CNTNAP3B: variants seen among roughly 807,000 people sequenced by gnomAD.
CNTNAP3B encodes contactin-associated protein-like 3B.
A neutral mutation model predicts 108.9 loss-of-function variants in CNTNAP3B; 25 were observed. The observed-to-expected ratio is 0.23, with a 90% CI of 0.17 to 0.32. The LOEUF is 0.32. Among genes scored for constraint, CNTNAP3B ranks in the 10% least tolerant of loss-of-function variants. The pLI is 1.00. For missense variants in CNTNAP3B, 252 were observed against 1,210.4 expected, an observed-to-expected ratio of 0.21 and a Z score of 11.75; for synonymous variants, 103 against 473.4, an observed-to-expected ratio of 0.22 and a Z score of 10.16.
chr9:41,915,619 C>T lies in CNTNAP3B; in HGVS notation c.2995+4451G>A, dbSNP rs1173234553. On this transcript the variant is annotated intron_variant, in intron 18 of 23. Transcript: ENST00000377561. ...TTAGTTGCAGGTTTTTCATATATGGCGTTTATCATATTGAGAAAGTTCCCT... is the reference window on the plus strand; with the variant it reads ...TTAGTTGCAGGTTTTTCATATATGGTGTTTATCATATTGAGAAAGTTCCCT... Among the ~76,000 whole-genome samples the T allele has an allele frequency of 2.2e-5, 3 of 139,252 alleles. 1 individual carries two copies. Among genetic ancestry groups the T allele is most frequent in the African/African-American group, 8.5e-5 (3 of 35,390 alleles). The allele number at this position is 139,252 out of a possible 152,430, so 91.4% of individuals were successfully genotyped here.
chr9:41,952,119 G>C (rs185754066), intron 13 of CNTNAP3B, among the ~76,000 whole-genome samples: 366 of 152,350 alleles, frequency 2.4e-3, no homozygotes, highest in Middle Eastern at 0.014. Context: ...TGATTGGCCA[G>C]ACGGACTAGG....
chr9:41,961,576 C>G (rs1261418942), intron 11 of CNTNAP3B, among the ~76,000 whole-genome samples: 1 of 152,294 alleles, frequency 6.6e-6, no homozygotes, highest in Non-Finnish European at 1.5e-5. Flanking sequence ...TTTTCTTAAG[C>G]TATGCGGCAG....
intron 17 of CNTNAP3B, among the ~76,000 whole-genome samples, chr9:41,921,323 A>G (rs1823661929): frequency 2.6e-5 from 4 of 152,352 alleles, no homozygotes; most frequent in Admixed American, 2.0e-4. Flanking sequence ...TGATGGTTTC[A>G]TGTCCTTTGA....
In CNTNAP3B at chr9:42,062,604, A is replaced by T. The variant is rs1217802141; in HGVS notation, c.390+14265T>A. Among the ~76,000 whole-genome samples the T allele has an allele frequency of 3.4e-5, 4 of 118,198 alleles. 1 individual carries two copies. The highest frequency in any genetic ancestry group is 1.4e-4 in the African/African-American group (4 of 28,594). The allele number at this position is 118,198 out of a possible 152,430, so 77.5% of individuals were successfully genotyped here. On this transcript the variant is annotated intron_variant, in intron 3 of 23. Coordinates refer to ENST00000377561, the MANE Select transcript of CNTNAP3B (RefSeq NM_001201380.3). ...TGATTGAATAGTTTAATTTATTTAC[A>T]TTTAAGGTAATTGTTGCCAGGTAAG... is the stretch of plus-strand genomic sequence containing the variant.
chr9:41,960,331 A>G (rs947890704), intron 12 of CNTNAP3B: 1 of 175,622 alleles, frequency 5.7e-6, no homozygotes, highest in African/African-American at 2.4e-5. Flanking sequence ...CTAAAGCATG[A>G]GAAATAATCA....
chr9:41,939,744 C>T (rs1308242937), intron 13 of CNTNAP3B, among the ~76,000 whole-genome samples: 2 of 152,254 alleles, frequency 1.3e-5, no homozygotes, highest in African/African-American at 2.4e-5. Flanking sequence ...TCTAAATCTC[C>T]CATATTCCCC....
rs574157589 is a variant in CNTNAP3B at position 41,950,780 on chromosome 9, G to T, written c.2080+2403C>A. Reference sequence around the variant, plus strand: ...TTTTTTTTTTTTTTTTTTTGAGACGGAACGGAGTCTTGCTCTGTCGCCCAG... The same window carrying T: ...TTTTTTTTTTTTTTTTTTTGAGACGTAACGGAGTCTTGCTCTGTCGCCCAG... On this transcript the variant is annotated intron_variant, in intron 13 of 23. Coordinates refer to ENST00000377561, the MANE Select transcript of CNTNAP3B (RefSeq NM_001201380.3). Among the ~76,000 whole-genome samples, 19 of 109,046 alleles carry T rather than the reference G, an allele frequency of 1.7e-4. No homozygotes were observed. In the East Asian group the frequency reaches 4.5e-3, roughly 26 times the overall value. The allele number at this position is 109,046 out of a possible 152,430, so 71.5% of individuals were successfully genotyped here. A position where few individuals can be genotyped will look rare whatever the true frequency, so the allele number is the denominator to read the frequency against.
chr9:41,978,925 T>C (rs566018145), intron 9 of CNTNAP3B, among the ~76,000 whole-genome samples: 10 of 147,008 alleles, frequency 6.8e-5, no homozygotes, highest in South Asian at 2.1e-4. Context: ...CTTAAATATA[T>C]AGAATTTTTA....
intron 14 of CNTNAP3B, among the ~76,000 whole-genome samples, chr9:41,933,654 C>T (rs1824048961): frequency 6.6e-6 from 1 of 152,252 alleles, no homozygotes; most frequent in Non-Finnish European, 1.5e-5. Context: ...CTCATTTTTC[C>T]TGATATTTCT....
intron 10 of CNTNAP3B, among the ~76,000 whole-genome samples, chr9:41,967,391 TG>T (rs199520105): frequency 0.053 from 7,444 of 140,976 alleles, 25 homozygotes; most frequent in Middle Eastern, 0.083. Flanking sequence ...AGACGTGTCT[TG>T]TTTCTCCTTC....
intron 13 of CNTNAP3B, among the ~76,000 whole-genome samples, chr9:41,944,519 C>G (rs1184354457): frequency 1.3e-5 from 2 of 152,280 alleles, no homozygotes; most frequent in East Asian, 3.8e-4. Flanking sequence ...AAGGCTACCA[C>G]TAAAACAATT....
At chr9:41,962,986 A>C in intron 11 of CNTNAP3B, among the ~76,000 whole-genome samples, 1 of 151,678 alleles carries the variant, frequency 6.6e-6, no homozygotes, top group Non-Finnish European at 1.5e-5. Context: ...CAAAAAAAAG[A>C]AAATGTGTCA....
At chr9:42,042,194 C>A (rs1826775824) in intron 3 of CNTNAP3B, among the ~76,000 whole-genome samples, 1 of 118,684 alleles carries the variant, frequency 8.4e-6, no homozygotes, top group South Asian at 2.7e-4. Flanking sequence ...AACAAACCTG[C>A]TACGTTGTAC....
intron 13 of CNTNAP3B, among the ~76,000 whole-genome samples, chr9:41,946,078 A>T (rs1439903694): frequency 0.024 from 3,434 of 145,746 alleles, 3 homozygotes; most frequent in East Asian, 0.1. Context: ...CAGAAGAGTC[A>T]AAATATATTA....
At chr9:41,964,849 T>G (rs1310962162) in intron 10 of CNTNAP3B, among the ~76,000 whole-genome samples, 18 of 152,258 alleles carry the variant, frequency 1.2e-4, no homozygotes, top group Non-Finnish European at 2.4e-4. Flanking sequence ...ATTATTAGGT[T>G]TCTGTGACAG....
At chr9:41,940,658 T>A in intron 13 of CNTNAP3B, among the ~76,000 whole-genome samples, 1 of 152,234 alleles carries the variant, frequency 6.6e-6, no homozygotes, top group Non-Finnish European at 1.5e-5. Flanking sequence ...CTACTAAAAA[T>A]ACAAAAAATA....
chr9:41,966,736 C>T lies in CNTNAP3B; in HGVS notation c.1650-2092G>A, dbSNP rs530899865. Among the ~76,000 whole-genome samples, 27 of 152,306 alleles carry T rather than the reference C, an allele frequency of 1.8e-4. No individual in the cohort carries two copies. In the South Asian group the frequency reaches 1.9e-3, roughly 11 times the overall value. On this transcript the variant is annotated intron_variant, in intron 10 of 23. Coordinates refer to ENST00000377561, the MANE Select transcript of CNTNAP3B (RefSeq NM_001201380.3). ...TAATCCCAGAACTTTGGGAGGCTGA[C>T]GCGGGTGGATCACGAGGTCAGGAGA...
At chr9:41,915,592 T>A (rs1347998809) in intron 18 of CNTNAP3B, among the ~76,000 whole-genome samples, 2 of 138,940 alleles carry the variant, frequency 1.4e-5, no homozygotes, top group Non-Finnish European at 3.1e-5. Flanking sequence ...TTGAGTATGA[T>A]GTTAGTTGCA....
chr9:41,923,682 A>C (rs1156567394), intron 16 of CNTNAP3B, among the ~76,000 whole-genome samples: 1 of 152,290 alleles, frequency 6.6e-6, no homozygotes, highest in Non-Finnish European at 1.5e-5. Context: ...GAATTGCTTG[A>C]ACCCAGGAGG....
Sources: gnomAD v4.1 joint callset for allele counts (sites outside exome capture counted in the v4.1 genomes callset) on GRCh38, gnomAD v4.1.1 for gene constraint, MANE v1.5 for transcripts, NCBI Gene and HGNC (gene_info 2026-07-23, HGNC 2026-07-21) for gene names.